The following ARFIP1 variants were observed in gnomAD, a reference collection of about 807,000 sequenced individuals.
The protein encoded by ARFIP1 is arfaptin-1.
Under a neutral mutation model 42.5 loss-of-function variants are expected in ARFIP1, and 24 were observed. The ratio of observed to expected loss-of-function variants is 0.57; its 90% confidence interval spans 0.41 to 0.80. The LOEUF (loss-of-function observed/expected upper bound fraction) is 0.80, where lower values mean the gene tolerates loss of function less well. Ranked by LOEUF, ARFIP1 falls within the 30% of genes least tolerant of loss-of-function variation. ARFIP1 has a pLI of 0.00. For synonymous variants in ARFIP1, 141 were observed against 153.7 expected, an observed-to-expected ratio of 0.92 and a Z score of 0.61; for missense variants, 354 against 434.0, an observed-to-expected ratio of 0.82 and a Z score of 1.64.
chr4:152,905,361 G>A (rs1252336300), intron 8 of ARFIP1, among the ~76,000 whole-genome samples: 2 of 151,880 alleles, frequency 1.3e-5, no homozygotes, highest in African/African-American at 4.8e-5. Context: ...GTATGGTCAA[G>A]GTTTTTTAAT....
At position 152,911,752 on chromosome 4, in the gene ARFIP1, T is replaced by C. The variant is rs1294441308; in HGVS notation, c.*1533T>C. On this transcript the variant is annotated 3_prime_UTR_variant, in exon 9 of 9. Transcript: ENST00000353617. ...TAATACAATGTAATGTGATTGTAAA[T>C]CATACCTATTTTAAATCATTCCTTC... is the stretch of plus-strand genomic sequence containing the variant. The C allele has an allele frequency of 6.6e-6, 1 of 152,610 alleles. No homozygotes were observed. The allele number at this position is 152,610 out of a possible 1,614,324, so 9.5% of individuals were successfully genotyped here.
intron 8 of ARFIP1, among the ~76,000 whole-genome samples, chr4:152,891,794 C>T (rs976370171): frequency 1.3e-5 from 2 of 152,076 alleles, no homozygotes; most frequent in African/African-American, 4.8e-5. Context: ...CTGCAACCTC[C>T]ACCACCTGGG....
At chr4:152,843,517 G>A (rs1174174424) in intron 2 of ARFIP1, among the ~76,000 whole-genome samples, 1 of 152,162 alleles carries the variant, frequency 6.6e-6, no homozygotes, top group East Asian at 1.9e-4. Flanking sequence ...TACCAGGGTG[G>A]GTAGGGAGGG....
intron 8 of ARFIP1, among the ~76,000 whole-genome samples, chr4:152,896,362 G>T (rs1038490694): frequency 1.3e-5 from 2 of 152,152 alleles, no homozygotes; most frequent in African/African-American, 4.8e-5. Flanking sequence ...TGGTTCAGCA[G>T]TAAAGGACTA....
At chr4:152,863,530 G>C in intron 2 of ARFIP1, 76 bp from the exon 3 acceptor site, 1 of 796,400 alleles carries the variant, frequency 1.3e-6, no homozygotes, top group Non-Finnish European at 2.1e-6. Flanking sequence ...TGATTAAAAG[G>C]ATACAATTAT....
intron 1 of ARFIP1, among the ~76,000 whole-genome samples, chr4:152,822,183 A>G (rs1257842733): frequency 2.6e-5 from 4 of 151,656 alleles, no homozygotes; most frequent in African/African-American, 7.3e-5. Context: ...ACACATAAGG[A>G]TTCTTACAGA....
intron 1 of ARFIP1, among the ~76,000 whole-genome samples, chr4:152,789,400 A>G (rs997501504): frequency 1.3e-5 from 2 of 152,006 alleles, no homozygotes; most frequent in Non-Finnish European, 2.9e-5. Context: ...AAGAATACAA[A>G]CTATTAATAT....
intron 1 of ARFIP1, among the ~76,000 whole-genome samples, chr4:152,822,322 CAAG>C (rs1730453975): frequency 8.8e-6 from 1 of 113,514 alleles, no homozygotes; most frequent in Non-Finnish European, 1.9e-5. Context: ...AAAAAAAAGA[CAAG>C]GTCATTATAT....
intron 2 of ARFIP1, among the ~76,000 whole-genome samples, chr4:152,849,646 G>T (rs1732828341): frequency 6.6e-6 from 1 of 152,074 alleles, no homozygotes; most frequent in African/African-American, 2.4e-5. Flanking sequence ...GAGAAAAGAA[G>T]ATTGAAATTG....
chr4:152,883,722 G>C (rs879521567), intron 7 of ARFIP1, among the ~76,000 whole-genome samples: 14 of 151,138 alleles, frequency 9.3e-5, no homozygotes, highest in Middle Eastern at 3.4e-3. Context: ...ATTTTGAAGG[G>C]TCTAAAATAT....
intron 1 of ARFIP1, among the ~76,000 whole-genome samples, chr4:152,786,247 A>G (rs1339230360): frequency 1.3e-5 from 2 of 152,196 alleles, no homozygotes; most frequent in African/African-American, 4.8e-5. Flanking sequence ...GTAGATCTGT[A>G]TGTCTTGCTG....
At chr4:152,788,099 G>T (rs1330641314) in intron 1 of ARFIP1, among the ~76,000 whole-genome samples, 1 of 152,072 alleles carries the variant, frequency 6.6e-6, no homozygotes, top group Non-Finnish European at 1.5e-5. Context: ...TGGGCGTGGT[G>T]ACCTGCACCT....
At chr4:152,787,413 A>C (rs2149813637) in intron 1 of ARFIP1, among the ~76,000 whole-genome samples, 1 of 152,352 alleles carries the variant, frequency 6.6e-6, no homozygotes, top group African/African-American at 2.4e-5. Context: ...GGTGTACAAC[A>C]GTTTCTCCAA....
At chr4:152,784,549 T>C (rs962474525) in intron 1 of ARFIP1, among the ~76,000 whole-genome samples, 2 of 152,238 alleles carry the variant, frequency 1.3e-5, no homozygotes, top group African/African-American at 2.4e-5. Flanking sequence ...AACATACTTA[T>C]TTAAGTGAAT....
At chr4:152,783,900 A>G (rs1261524951) in intron 1 of ARFIP1, among the ~76,000 whole-genome samples, 2 of 152,064 alleles carry the variant, frequency 1.3e-5, no homozygotes, top group Admixed American at 6.5e-5. Flanking sequence ...AAGTATTATA[A>G]ATTCTTGAAA....
At chr4:152,896,185 CAT>C (rs1476598875) in intron 8 of ARFIP1, among the ~76,000 whole-genome samples, 1 of 148,872 alleles carries the variant, frequency 6.7e-6, no homozygotes, top group Admixed American at 6.6e-5. Flanking sequence ...GAAGAAACAG[CAT>C]ATGTTGACGG....
In ARFIP1 at chr4:152,861,515, A is replaced by T. The variant is rs1199991166; in HGVS notation, c.94-2091A>T. On this transcript the variant is annotated intron_variant, in intron 2 of 8. Coordinates refer to ENST00000353617, the MANE Select transcript of ARFIP1 (RefSeq NM_001025595.3). Reference sequence around the variant, plus strand: ...ATTGGTCAAGAAAAACATCAAGTACATTTAAGGAGTACATTTAGAACATTA... The same window carrying T: ...ATTGGTCAAGAAAAACATCAAGTACTTTTAAGGAGTACATTTAGAACATTA... Among the ~76,000 whole-genome samples, 4 of 152,222 alleles carry T rather than the reference A, an allele frequency of 2.6e-5. No homozygotes were observed. The East Asian group carries it at 7.7e-4, about 29-fold the overall frequency.
At chr4:152,889,470 G>A (rs1432050974) in intron 8 of ARFIP1, among the ~76,000 whole-genome samples, 3 of 129,174 alleles carry the variant, frequency 2.3e-5, no homozygotes, top group African/African-American at 8.9e-5. Flanking sequence ...TTCATTAGCT[G>A]AGCACATAAG....
At chr4:152,786,030 T>C (rs145226294) in intron 1 of ARFIP1, among the ~76,000 whole-genome samples, 203 of 152,376 alleles carry the variant, frequency 1.3e-3, no homozygotes, top group African/African-American at 4.4e-3. Flanking sequence ...AAAAATCTGC[T>C]ACCCATGGTG....
Sources: gnomAD v4.1 joint callset for allele counts (sites outside exome capture counted in the v4.1 genomes callset) on GRCh38, gnomAD v4.1.1 for gene constraint, MANE v1.5 for transcripts, NCBI Gene and HGNC (gene_info 2026-07-23, HGNC 2026-07-21) for gene names.